The following ASB4 variants were observed in gnomAD, a reference collection of about 807,000 sequenced individuals.
ASB4 encodes ankyrin repeat and SOCS box containing 4.
A neutral mutation model predicts 38.6 loss-of-function variants in ASB4; 35 were observed. The observed-to-expected ratio is 0.91, with a 90% CI of 0.69 to 1.20. The LOEUF is 1.20. ASB4 is among the 50% of genes most tolerant of loss of function. ASB4 has a pLI of 0.00. For missense variants in ASB4, 557 were observed against 527.2 expected, an observed-to-expected ratio of 1.06 and a Z score of -0.55; for synonymous variants, 195 against 201.3, an observed-to-expected ratio of 0.97 and a Z score of 0.26.
chr7:95,513,290 A>T (rs1391535783), intron 2 of ASB4, among the ~76,000 whole-genome samples: 1 of 22,746 alleles, frequency 4.4e-5, no homozygotes, highest in African/African-American at 1.7e-4. Context: ...TCGAGCCAAT[A>T]GAATGTGTGT....
chr7:95,485,006 GTGTGTATATA>G (rs1340281710), upstream of ASB4, among the ~76,000 whole-genome samples: 33 of 136,646 alleles, frequency 2.4e-4, no homozygotes, highest in African/African-American at 8.5e-4. Context: ...GTATATATGT[GTGTGTATATA>G]TGTGTATATA....
At chr7:95,500,598 C>G (rs1056272810) in intron 2 of ASB4, among the ~76,000 whole-genome samples, 1 of 125,394 alleles carries the variant, frequency 8.0e-6, no homozygotes, top group Non-Finnish European at 1.7e-5. Context: ...AAAAAAAAAG[C>G]CATGATCTTT....
upstream of ASB4, among the ~76,000 whole-genome samples, chr7:95,476,844 T>C (rs1415445973): frequency 6.6e-6 from 1 of 152,226 alleles, no homozygotes; most frequent in Non-Finnish European, 1.5e-5. Context: ...TTTTGAATGT[T>C]CTTCTTAATA....
intron 2 of ASB4, among the ~76,000 whole-genome samples, chr7:95,498,309 CATATT>C (rs1359487020): frequency 6.6e-6 from 1 of 152,174 alleles, no homozygotes; most frequent in African/African-American, 2.4e-5. Context: ...TCATTACAAA[CATATT>C]AGAATAGCTA....
chr7:95,539,237 AATAGAGATGATGTCAG>A lies in ASB4; in HGVS notation c.*1482_*1497del, dbSNP rs1395477154. 1 of 152,164 alleles carries A rather than the reference AATAGAGATGATGTCAG, an allele frequency of 6.6e-6. No homozygotes were observed. The highest frequency in any genetic ancestry group is 2.4e-5 in the African/African-American group (1 of 41,432). The allele number at this position is 152,164 out of a possible 1,614,324, so 9.4% of individuals were successfully genotyped here. A position where few individuals can be genotyped will look rare whatever the true frequency, so the allele number is the denominator to read the frequency against. On this transcript the variant is annotated 3_prime_UTR_variant, in exon 5 of 5. Transcript: ENST00000325885. ...TTTAACTTTGGATGCTGGAGTGTTG[AATAGAGATGATGTCAG>A]ATATTCCAATAGGCTATCATTTAAT...
At chr7:95,511,445 C>T (rs1324572369) in intron 2 of ASB4, among the ~76,000 whole-genome samples, 1 of 152,112 alleles carries the variant, frequency 6.6e-6, no homozygotes, top group Non-Finnish European at 1.5e-5. Flanking sequence ...AGTACGTGCA[C>T]TTCTCGCAAG....
At chr7:95,514,121 C>A (rs893673394) in intron 2 of ASB4, among the ~76,000 whole-genome samples, 1 of 152,184 alleles carries the variant, frequency 6.6e-6, no homozygotes, top group Non-Finnish European at 1.5e-5. Context: ...TTACACTGCA[C>A]CAATTCTTTA....
At chr7:95,515,193 CTTT>C (rs1790544425) in intron 2 of ASB4, among the ~76,000 whole-genome samples, 1 of 125,634 alleles carries the variant, frequency 8.0e-6, no homozygotes, top group African/African-American at 3.7e-5. Flanking sequence ...TTCTTTCTTT[CTTT>C]CTTTCTTTCT....
At chr7:95,501,616 G>A (rs963211271) in intron 2 of ASB4, among the ~76,000 whole-genome samples, 25 of 152,070 alleles carry the variant, frequency 1.6e-4, no homozygotes, top group African/African-American at 5.6e-4. Context: ...TTCATCATCC[G>A]GTGTAACTGA....
chr7:95,480,344 C>T (rs1790012321), intron 1 of ASB4, among the ~76,000 whole-genome samples: 1 of 152,136 alleles, frequency 6.6e-6, no homozygotes, highest in Non-Finnish European at 1.5e-5. Context: ...ATCTGCAGTA[C>T]TTATAAAAAG....
In ASB4 at chr7:95,493,595, A is replaced by G. The variant is rs144716203; in HGVS notation, c.188-2163A>G. On this transcript the variant is annotated intron_variant, in intron 1 of 4. Coordinates refer to ENST00000325885, the MANE Select transcript of ASB4 (RefSeq NM_016116.3). ...ATTTATTTTTGTTAAAAAGCAATACATGCACAGGATACTAAATTTAGAAGT... is the reference window on the plus strand; with the variant it reads ...ATTTATTTTTGTTAAAAAGCAATACGTGCACAGGATACTAAATTTAGAAGT... Among the ~76,000 whole-genome samples, 29 of 152,276 alleles carry G rather than the reference A, an allele frequency of 1.9e-4. No individual in the cohort carries two copies. The East Asian group carries it at 5.6e-3, about 29-fold the overall frequency.
rs183608239 is a variant in ASB4 at position 95,515,604 on chromosome 7, C to T, written c.488-12209C>T. Among the ~76,000 whole-genome samples, 25 of 152,006 alleles carry T rather than the reference C, an allele frequency of 1.6e-4. No homozygotes were observed. The East Asian group carries it at 4.7e-3, about 28-fold the overall frequency. On this transcript the variant is annotated intron_variant, in intron 2 of 4. Transcript: ENST00000325885. ...CTAATTTTTGTGTTTTTCATAGAGACGGGGTTTCCCCATGTTGACCAGGAT... is the reference window on the plus strand; with the variant it reads ...CTAATTTTTGTGTTTTTCATAGAGATGGGGTTTCCCCATGTTGACCAGGAT...
At chr7:95,546,364 T>C in the ASB4 span, among the ~76,000 whole-genome samples, 1 of 152,188 alleles carries the variant, frequency 6.6e-6, no homozygotes, top group Admixed American at 6.5e-5. Context: ...CTAAATAAAT[T>C]AATATGGGCC....
chr7:95,471,983 A>G, the ASB4 span: 4 of 151,874 alleles, frequency 2.6e-5, no homozygotes, highest in Non-Finnish European at 4.4e-5. Context: ...GTGCTATTCC[A>G]TTTCTTACTG....
intron 1 of ASB4, among the ~76,000 whole-genome samples, chr7:95,490,755 C>G (rs906918525): frequency 6.6e-6 from 1 of 152,256 alleles, no homozygotes; most frequent in Non-Finnish European, 1.5e-5. Context: ...TTCTAGGCAG[C>G]TTTCTACCCA....
chr7:95,536,387 T>G (rs368514560), intron 3 of ASB4, 50 bp from the exon 4 acceptor site: 1 of 1,197,116 alleles, frequency 8.4e-7, no homozygotes, highest in Non-Finnish European at 1.2e-6. Flanking sequence ...GCAGAATGAA[T>G]GAACCATATA....
intron 1 of ASB4, chr7:95,478,623 A>C (rs1241598365): frequency 6.6e-6 from 1 of 152,170 alleles, no homozygotes; most frequent in Non-Finnish European, 1.5e-5. Context: ...GAATTCTTTA[A>C]ATACTCTTAC....
Position 95,515,305 on chromosome 7 carries a change from CTTTCTTT to C in ASB4, c.488-12507_488-12501del, listed in dbSNP as rs1562817294. Among the ~76,000 whole-genome samples the C allele has an allele frequency of 9.5e-4, 117 of 122,626 alleles. 1 individual carries two copies. Among genetic ancestry groups the C allele is most frequent in the Middle Eastern group, 7.6e-3 (2 of 264 alleles). 80.4% of individuals were successfully genotyped at this position (122,626 alleles called of 152,430 possible). On this transcript the variant is annotated intron_variant, in intron 2 of 4. Transcript: ENST00000325885. The stretch of plus-strand genomic sequence containing the variant: ...TCTTTCTTTCTTTCTTTCTTTCTTT[CTTTCTTT>C]CTTTCTTCCTTCCTTCCTTCCTTTC...
chr7:95,503,135 A>C (rs1046054684), intron 2 of ASB4, among the ~76,000 whole-genome samples: 1 of 152,208 alleles, frequency 6.6e-6, no homozygotes, highest in African/African-American at 2.4e-5. Flanking sequence ...CTAATGTTTA[A>C]CTGTAGCTAA....
Sources: allele counts gnomAD v4.1 joint callset (sites outside exome capture counted in the v4.1 genomes callset), GRCh38; gene constraint gnomAD v4.1.1; transcripts MANE v1.5; gene names NCBI Gene and HGNC (gene_info 2026-07-23, HGNC 2026-07-21).